ANKRD1: variants seen among roughly 807,000 people sequenced by gnomAD.
ANKRD1 encodes the protein ankyrin repeat domain 1.
In ANKRD1, 32 loss-of-function variants were observed where a neutral mutation model predicts 40.1. That is an observed-to-expected ratio of 0.80 (90% confidence interval 0.60 to 1.07). The LOEUF (loss-of-function observed/expected upper bound fraction) is 1.07. Ranked by LOEUF, ANKRD1 falls within the 50% of genes least tolerant of loss-of-function variation. The probability of loss-of-function intolerance (pLI) is 0.00; values close to 1 mark genes in which losing one functional copy is unlikely to be tolerated. For missense variants in ANKRD1, 359 were observed against 386.0 expected (o/e 0.93, Z 0.59); for synonymous variants, 149 against 141.2 (o/e 1.06, Z -0.39).
intron 8 of ANKRD1, 109 bp downstream of exon 8, chr10:90,915,434 A>T: frequency 1.0e-6 from 1 of 955,076 alleles, no homozygotes. Flanking sequence ...CATTTAGACC[A>T]TCGAAGACCC....
At chr10:90,919,556 A>G (rs1301940316) in intron 2 of ANKRD1, among the ~76,000 whole-genome samples, 1 of 152,214 alleles carries the variant, frequency 6.6e-6, no homozygotes, top group African/African-American at 2.4e-5. Flanking sequence ...ATGACTTTGT[A>G]ATTAATGCCA....
At chr10:90,916,735 A>G (rs1166665662) in intron 5 of ANKRD1, among the ~76,000 whole-genome samples, 1 of 152,216 alleles carries the variant, frequency 6.6e-6, no homozygotes, top group Non-Finnish European at 1.5e-5. Context: ...TCTTTTGTCA[A>G]ATGTACACAA....
intron 5 of ANKRD1, among the ~76,000 whole-genome samples, chr10:90,916,942 A>T (rs1023164860): frequency 6.6e-6 from 1 of 152,106 alleles, no homozygotes; most frequent in East Asian, 1.9e-4. Context: ...TAACGTGTAT[A>T]GTTACCCCTA....
At chr10:90,916,409 C>T in intron 5 of ANKRD1, 140 bp from the exon 6 acceptor site, 2 of 706,760 alleles carry the variant, frequency 2.8e-6, no homozygotes. Context: ...AGGTTCTTAC[C>T]AAATGTGTTA....
intron 2 of ANKRD1, 104 bp from the exon 3 acceptor site, chr10:90,919,372 G>T: frequency 1.0e-6 from 1 of 985,498 alleles, no homozygotes; most frequent in Non-Finnish European, 1.5e-6. Flanking sequence ...CATGTGAACA[G>T]TTTGAGCAAA....
Position 90,916,722 on chromosome 10 carries a change from A to T in ANKRD1, c.553-453T>A, listed in dbSNP as rs1452428326. On this transcript the variant is annotated intron_variant, in intron 5 of 8. Transcript: ENST00000371697. ...AACTCCCCTCTGCCTGGAACTTCTA[A>T]CTTCTTTTGTCAAATGTACACAAAA... is the stretch of plus-strand genomic sequence containing the variant. Among the ~76,000 whole-genome samples, 3 of 152,206 alleles carry T rather than the reference A, an allele frequency of 2.0e-5. No homozygotes were observed. The South Asian group carries it at 6.2e-4, about 31-fold the overall frequency.
intron 5 of ANKRD1, among the ~76,000 whole-genome samples, chr10:90,916,687 TACACAGTCA>T (rs1847377409): frequency 6.6e-6 from 1 of 152,174 alleles, no homozygotes; most frequent in Non-Finnish European, 1.5e-5. Flanking sequence ...AGAGGCAGAA[TACACAGTCA>T]AACTCCCCTC....
chr10:90,917,305 C>G (rs1442252633), intron 5 of ANKRD1, among the ~76,000 whole-genome samples: 2 of 152,196 alleles, frequency 1.3e-5, no homozygotes, highest in African/African-American at 4.8e-5. Flanking sequence ...CATATGCAGT[C>G]TAGCCCCAAA....
Position 90,916,132 on chromosome 10 carries a change from G to C in ANKRD1, c.651+39C>G, listed in dbSNP as rs772870044. 5.4e-6 allele frequency: 7 copies of C among 1,299,792 alleles called. No individual in the cohort carries two copies. In the East Asian group the frequency reaches 1.8e-4, roughly 34 times the overall value. 80.5% of individuals were successfully genotyped at this position (1,299,792 alleles called of 1,614,324 possible). On this transcript the variant is annotated intron_variant, in intron 6 of 8. Transcript: ENST00000371697. Reference sequence around the variant, plus strand: ...GGAGAAGGATGGGGGACAGGGAGGGGGAGGGGGTGAATGAAGGGAGAAGGA... The same window carrying C: ...GGAGAAGGATGGGGGACAGGGAGGGCGAGGGGGTGAATGAAGGGAGAAGGA...
At chr10:90,920,451 C>T in intron 1 of ANKRD1, 103 bp from the exon 2 acceptor site, 1 of 1,310,624 alleles carries the variant, frequency 7.6e-7, no homozygotes, top group South Asian at 1.2e-5. Flanking sequence ...CCCCTGGGAA[C>T]AGCCACCTTT....
At chr10:90,920,135 C>T (rs1470089756) in intron 2 of ANKRD1, 34 bp downstream of exon 2, 19 of 1,612,352 alleles carry the variant, frequency 1.2e-5, no homozygotes, top group Non-Finnish European at 1.5e-5. Context: ...CCAGCCCCAA[C>T]ATCCTACTAG....
chr10:90,912,802 T>C lies in ANKRD1; in HGVS notation c.*64A>G. ...AACTAGATTTTATGGCTAGTGTCTC[T>C]TCTCTTGGGCCATGCCTTCAAAATG... On this transcript the variant is annotated 3_prime_UTR_variant, in exon 9 of 9. Transcript: ENST00000371697. 1 of 1,437,488 alleles carries C rather than the reference T, an allele frequency of 7.0e-7. No individual in the cohort carries two copies. The highest frequency in any genetic ancestry group is 9.8e-7 in the Non-Finnish European group (1 of 1,019,408). The allele number at this position is 1,437,488 out of a possible 1,614,324, so 89.0% of individuals were successfully genotyped here.
chr10:90,912,809 G>A lies in ANKRD1; in HGVS notation c.*57C>T, dbSNP rs981398941. The A allele has an allele frequency of 3.4e-6, 5 of 1,460,680 alleles. No homozygotes were observed. In the East Asian group the frequency reaches 1.1e-4, roughly 33 times the overall value. 90.5% of individuals were successfully genotyped at this position (1,460,680 alleles called of 1,614,324 possible). On this transcript the variant is annotated 3_prime_UTR_variant, in exon 9 of 9. Coordinates refer to ENST00000371697, the MANE Select transcript of ANKRD1 (RefSeq NM_014391.3). ...TTTTATGGCTAGTGTCTCTTCTCTT[G>A]GGCCATGCCTTCAAAATGCCAGTGA... is the stretch of plus-strand genomic sequence containing the variant.
chr10:90,915,217 A>G (rs746673221), intron 8 of ANKRD1, among the ~76,000 whole-genome samples: 15 of 152,226 alleles, frequency 9.9e-5, no homozygotes, highest in Non-Finnish European at 8.8e-5. Context: ...ACAGACAGAA[A>G]TGGCCAAAGC....
intron 8 of ANKRD1, among the ~76,000 whole-genome samples, chr10:90,914,063 C>T (rs951275394): frequency 4.6e-5 from 7 of 152,128 alleles, no homozygotes; most frequent in African/African-American, 1.7e-4. Context: ...GGCCCTATAA[C>T]CTTCATTTTG....
chr10:90,913,072 A>G (rs1176557693), intron 8 of ANKRD1, 96 bp from the exon 9 acceptor site: 2 of 1,113,868 alleles, frequency 1.8e-6, no homozygotes, highest in Non-Finnish European at 2.7e-6. Flanking sequence ...GATTAGGTAT[A>G]TGTTATAACA....
Position 90,915,555 on chromosome 10 carries a change from G to A in ANKRD1, c.837C>T (p.Asn279=). ...TTCCAGTACTTACACAGTTCTTGAT[G>A]TTGAGATCCGCGCCATACATAATCA... The part of the protein sequence containing the change: ...RLLIMYGADL[N]IKNCAGKTPM... The change falls in exon 8 of 9, where the codon AAC becomes AAT. Residue 279 remains asparagine, a synonymous_variant. Coordinates refer to ENST00000371697, the MANE Select transcript of ANKRD1 (RefSeq NM_014391.3). 6.2e-7 allele frequency: 1 copy of A among 1,613,058 alleles called. No individual in the cohort carries two copies. The highest frequency in any genetic ancestry group is 8.5e-7 in the Non-Finnish European group (1 of 1,179,322).
chr10:90,920,415 T>A (rs1163651877), intron 1 of ANKRD1, 67 bp from the exon 2 acceptor site: 1 of 1,585,618 alleles, frequency 6.3e-7, no homozygotes, highest in African/African-American at 1.3e-5. Context: ...TCACAGACAA[T>A]GCCGCAGGAG....
chr10:90,920,182 T>C lies in ANKRD1; in HGVS notation c.194A>G (p.Gln65Arg). The change falls in exon 2 of 9, where the codon CAA (glutamine) becomes CGA (arginine). Residue 65 changes from glutamine (Q) to arginine (R), a missense_variant. By Grantham distance (43) the Gln-to-Arg change is conservative (BLOSUM62 1). Coordinates refer to ENST00000371697, the MANE Select transcript of ANKRD1 (RefSeq NM_014391.3). The part of the protein sequence containing the change: ...LGEQQWKSEK[Q>R]REAELKKKKL... ...GATGGCTCTCACCTCTGCCTCTCGT[T>C]GTTTCTCGCTTTTCCACTGTTGCTC... 1 of 1,613,856 alleles carries C rather than the reference T, an allele frequency of 6.2e-7. No individual in the cohort carries two copies. Among genetic ancestry groups the C allele is most frequent in the Non-Finnish European group, 8.5e-7 (1 of 1,180,000 alleles).
Sources: allele counts gnomAD v4.1 joint callset (sites outside exome capture counted in the v4.1 genomes callset), GRCh38; gene constraint gnomAD v4.1.1; transcripts MANE v1.5; gene names NCBI Gene and HGNC (gene_info 2026-07-23, HGNC 2026-07-21).